The following TEX9 variants were observed in gnomAD, a reference collection of about 807,000 sequenced individuals.
TEX9 encodes the protein testis expressed 9.
Under a neutral mutation model 59.6 loss-of-function variants are expected in TEX9, and 74 were observed. The observed-to-expected ratio is 1.24, with a 90% CI of 1.03 to 1.51. TEX9 has a LOEUF of 1.51. Among genes scored for constraint, TEX9 ranks in the 40% most tolerant of loss-of-function variants. TEX9 has a pLI of 0.00. For missense variants in TEX9, 522 were observed against 447.8 expected (o/e 1.17, Z -1.49); for synonymous variants, 186 against 152.2 (o/e 1.22, Z -1.64).
At chr15:56,292,487 G>A (rs921058169) in intron 1 of TEX9, among the ~76,000 whole-genome samples, 1 of 152,160 alleles carries the variant, frequency 6.6e-6, no homozygotes, top group Non-Finnish European at 1.5e-5. Flanking sequence ...GGCAAAAATA[G>A]CAACTACAGC....
chr15:56,334,156 A>T (rs1280565995), intron 1 of TEX9, among the ~76,000 whole-genome samples: 1 of 152,150 alleles, frequency 6.6e-6, no homozygotes, highest in Non-Finnish European at 1.5e-5. Context: ...GAAACAAAAA[A>T]AATCCTAAAA....
At chr15:56,364,745 AC>A (rs1247283332), upstream of TEX9, among the ~76,000 whole-genome samples, 6 of 152,224 alleles carry the variant, frequency 3.9e-5, no homozygotes, top group African/African-American at 1.4e-4. Context: ...AGATCAGATG[AC>A]CATACATCAT....
chr15:56,322,804 G>A (rs2045931288), intron 1 of TEX9, among the ~76,000 whole-genome samples: 1 of 151,784 alleles, frequency 6.6e-6, no homozygotes, highest in African/African-American at 2.4e-5. Context: ...TCACACTAAG[G>A]AGTTAATATT....
chr15:56,303,655 A>T (rs1440571144), intron 1 of TEX9, among the ~76,000 whole-genome samples: 1 of 152,146 alleles, frequency 6.6e-6, no homozygotes, highest in Non-Finnish European at 1.5e-5. Flanking sequence ...CGAACAAAAC[A>T]CAATATGAGT....
chr15:56,385,841 G>C (rs1045427856), intron 4 of TEX9, among the ~76,000 whole-genome samples: 5 of 152,014 alleles, frequency 3.3e-5, no homozygotes, highest in Admixed American at 6.6e-5. Context: ...CAAAAGAGAA[G>C]CTTATTACTG....
intron 3 of TEX9, among the ~76,000 whole-genome samples, chr15:56,381,399 C>G (rs1423622615): frequency 1.3e-5 from 2 of 152,076 alleles, no homozygotes; most frequent in Non-Finnish European, 2.9e-5. Flanking sequence ...GGATTGGTCT[C>G]TGGTGTCTTA....
At chr15:56,406,732 G>A (rs969523596) in intron 9 of TEX9, among the ~76,000 whole-genome samples, 8 of 152,008 alleles carry the variant, frequency 5.3e-5, no homozygotes, top group East Asian at 1.9e-4. Flanking sequence ...TTTCTTGGCC[G>A]TTCATATATC....
chr15:56,390,669 G>T (rs138364596), intron 6 of TEX9, among the ~76,000 whole-genome samples: 2,103 of 151,912 alleles, frequency 0.014, 57 homozygotes, highest in African/African-American at 0.048. Flanking sequence ...CAACTTTTTG[G>T]TTAGTATTGA....
At chr15:56,298,701 C>T (rs535389836) in intron 1 of TEX9, among the ~76,000 whole-genome samples, 7 of 152,284 alleles carry the variant, frequency 4.6e-5, no homozygotes, top group African/African-American at 1.7e-4. Context: ...ATTCTTTAAT[C>T]CTCCCAACTC....
chr15:56,450,236 C>T (rs2050938847), downstream of TEX9, among the ~76,000 whole-genome samples: 1 of 152,006 alleles, frequency 6.6e-6, no homozygotes. Flanking sequence ...TTTTTCAGTC[C>T]TATAACATTT....
At chr15:56,394,738 T>C in exon 9 of TEX9, 2 of 1,611,890 alleles carry the variant, frequency 1.2e-6, no homozygotes, top group South Asian at 1.1e-5. Flanking sequence ...GAACAATTAA[T>C]ATGCAACAGT....
chr15:56,290,449 GC>G (rs199683240), intron 1 of TEX9, among the ~76,000 whole-genome samples: 5 of 151,148 alleles, frequency 3.3e-5, no homozygotes, highest in African/African-American at 7.3e-5. Flanking sequence ...AGCAAGCCCT[GC>G]CCCCCCCAGT....
chr15:56,309,388 A>G (rs1169256179), intron 1 of TEX9, among the ~76,000 whole-genome samples: 3 of 152,156 alleles, frequency 2.0e-5, no homozygotes, highest in African/African-American at 7.2e-5. Flanking sequence ...CTGACTTTGC[A>G]TTCTTAGAAT....
intron 7 of TEX9, 70 bp downstream of exon 7, chr15:56,391,488 C>A: frequency 9.3e-7 from 1 of 1,075,678 alleles, no homozygotes; most frequent in Non-Finnish European, 1.3e-6. Context: ...TCTTGGGGAA[C>A]TATTTCTTCC....
At chr15:56,388,667 G>A (rs16976890) in intron 5 of TEX9, 147 bp downstream of exon 5, 270,733 of 573,850 alleles carry the variant, frequency 0.47, 65,831 homozygotes, top group East Asian at 0.63. Flanking sequence ...CATTTGTGAA[G>A]TGTCCCTCAT....
rs75633517 is a variant in TEX9, at chr15:56,287,883, G to C, written c.-107+43605G>C. On this transcript the variant is annotated intron_variant, in intron 1 of 5. Transcript: ENST00000560827. ...CCTTTTTAAGATTGAATAGTATTCC[G>C]TTGTGTATATATATATTTTCTTTAT... 9.0e-3 allele frequency among the ~76,000 whole-genome samples: 1,363 copies of C among 152,080 alleles called. 19 individuals are homozygous for C. Among genetic ancestry groups the C allele is most frequent in the African/African-American group, 0.029 (1,222 of 41,500 alleles).
intron 1 of TEX9, among the ~76,000 whole-genome samples, chr15:56,352,818 A>T (rs1347394992): frequency 5.3e-5 from 8 of 152,134 alleles, no homozygotes; most frequent in African/African-American, 1.9e-4. Context: ...CTCCCACCAA[A>T]CTCTGAAATA....
chr15:56,363,662 A>C (rs1477425280), upstream of TEX9, among the ~76,000 whole-genome samples: 1 of 150,112 alleles, frequency 6.7e-6, no homozygotes, highest in Admixed American at 6.6e-5. Flanking sequence ...AATTTTTTTA[A>C]ATTGTTTTTC....
At chr15:56,270,803 T>G (rs1308416359) in intron 1 of TEX9, among the ~76,000 whole-genome samples, 1 of 152,236 alleles carries the variant, frequency 6.6e-6, no homozygotes, top group East Asian at 1.9e-4. Context: ...TAGTGCTTCC[T>G]TCAGGAGCTC....
Sources: allele counts gnomAD v4.1 joint callset (sites outside exome capture counted in the v4.1 genomes callset), GRCh38; gene constraint gnomAD v4.1.1; transcripts MANE v1.5; gene names NCBI Gene and HGNC (gene_info 2026-07-23, HGNC 2026-07-21).